Variants in CTSF observed in about 807,000 individuals in gnomAD.
The protein encoded by CTSF is cathepsin F.
A neutral mutation model predicts 63.5 loss-of-function variants in CTSF; 65 were observed. That is an observed-to-expected ratio of 1.02 (90% confidence interval 0.84 to 1.26). CTSF has a LOEUF of 1.26. Ranked by LOEUF, CTSF falls within the 50% of genes most tolerant of loss-of-function variation. The pLI, the probability that CTSF is intolerant of heterozygous loss-of-function variation, is 0.00. For missense variants in CTSF, 641 were observed against 631.0 expected, an observed-to-expected ratio of 1.02 and a Z score of -0.17; for synonymous variants, 256 against 258.1, an observed-to-expected ratio of 0.99 and a Z score of 0.08.
Position 66,564,142 on chromosome 11 carries a change from A to AC in CTSF, c.1325_1326insG (p.Asp443Ter), listed in dbSNP as rs758616720. ...TCTTGATGGCCCAAAAGGGAACGTC[A>AC]GAGCCTGGGGTGCAGTGCAGAGCGC... is the stretch of plus-strand genomic sequence containing the variant. On this transcript the variant is annotated frameshift_variant, in exon 12 of 13. Transcript: ENST00000310325. LOFTEE classifies it high-confidence loss of function. The AC allele has an allele frequency of 3.1e-6, 5 of 1,611,326 alleles. No individual in the cohort carries two copies. The highest frequency in any genetic ancestry group is 4.2e-6 in the Non-Finnish European group (5 of 1,178,888).
At chr11:66,567,953 G>T in intron 2 of CTSF, 31 bp downstream of exon 2, 1 of 1,567,496 alleles carries the variant, frequency 6.4e-7, no homozygotes, top group Non-Finnish European at 8.6e-7. Flanking sequence ...TCGGCCTCGG[G>T]GCGGGGAACC....
In CTSF at chr11:66,568,069, G is replaced by T. The variant is rs766461599; in HGVS notation, c.227C>A (p.Ser76Ter). 4.4e-6 allele frequency: 7 copies of T among 1,590,804 alleles called. No individual in the cohort carries two copies. Among genetic ancestry groups the T allele is most frequent in the Non-Finnish European group, 6.0e-6 (7 of 1,170,850 alleles). Residue 76 changes from serine to a stop codon, truncating the protein, a stop_gained, in exon 2 of 13, where the codon TCG becomes TAG. Transcript: ENST00000310325. LOFTEE classifies it high-confidence loss of function. Reference protein sequence around the residue: ...RGRVRRAGQGSLYSLEATLEE... With the variant: ...RGRVRRAGQG ...CAGGGTGGCCTCCAGGGAGTACAGCGACCCCTGACCCGCCTGGAGAGAGGA... is the reference window on the plus strand; with the variant it reads ...CAGGGTGGCCTCCAGGGAGTACAGCTACCCCTGACCCGCCTGGAGAGAGGA...
intron 11 of CTSF, 150 bp from the exon 12 acceptor site, chr11:66,564,296 T>C: frequency 3.9e-6 from 4 of 1,026,606 alleles, no homozygotes; most frequent in South Asian, 1.6e-5. Flanking sequence ...CCTACCAGCC[T>C]CAGGGAGAAG....
intron 4 of CTSF, 39 bp downstream of exon 4, chr11:66,567,206 GT>G (rs1857950310): frequency 6.2e-7 from 1 of 1,607,824 alleles, no homozygotes; most frequent in African/African-American, 1.3e-5. Context: ...GGAAAGTCCT[GT>G]TCTGATAGGA....
Position 66,568,038 on chromosome 11 carries a change from C to A in CTSF, c.258G>T (p.Glu86Asp). 1 of 1,603,150 alleles carries A rather than the reference C, an allele frequency of 6.2e-7. No homozygotes were observed. The highest frequency in any genetic ancestry group is 8.5e-7 in the Non-Finnish European group (1 of 1,175,878). ...SLYSLEATLEEPPCNDPMVCR... is the reference protein window; with the variant it reads ...SLYSLEATLEDPPCNDPMVCR... ...ACACCATGGGGTCGTTGCAGGGTGG[C>A]TCCTCCAGGGTGGCCTCCAGGGAGT... Residue 86 changes from glutamate (E) to aspartate (D), a missense_variant, in exon 2 of 13, where the codon GAG becomes GAT. Transcript: ENST00000310325.
chr11:66,565,367 A>T (rs1051595493), intron 8 of CTSF, among the ~76,000 whole-genome samples: 2 of 152,158 alleles, frequency 1.3e-5, no homozygotes, highest in Non-Finnish European at 2.9e-5. Context: ...CAGCCCCCCA[A>T]GTAGCTGAGA....
Position 66,564,804 on chromosome 11 carries a change from GCT to G in CTSF, c.1166_1167del (p.Lys389ThrfsTer41). On this transcript the variant is annotated frameshift_variant and splice_region_variant, in exon 10 of 13. Coordinates refer to ENST00000310325, the MANE Select transcript of CTSF (RefSeq NM_003793.4). LOFTEE classifies it high-confidence loss of function. ...CCTCTCTTGGCCAGCCAGGCTGCCA[GCT>G]CTGAGATGGGAAGGGGTGGCATCAG... Reference protein sequence around the residue: ...DSVELSQNEQKLAAWLAKRGP... With the variant: ...DSVELSQNEQXLAAWLAKRGP... The G allele has an allele frequency of 6.2e-7, 1 of 1,614,078 alleles. No individual in the cohort carries two copies. Among genetic ancestry groups the G allele is most frequent in the Non-Finnish European group, 8.5e-7 (1 of 1,180,002 alleles).
chr11:66,563,893 C>A lies in CTSF; in HGVS notation c.*40G>T. On this transcript the variant is annotated 3_prime_UTR_variant, in exon 13 of 13. Coordinates refer to ENST00000310325, the MANE Select transcript of CTSF (RefSeq NM_003793.4). ...ACACATGTCAGGCTGGGGCAGCAGC[C>A]ACTCTGATCAGCACCAGGTCCCGAG... 1 of 1,610,180 alleles carries A rather than the reference C, an allele frequency of 6.2e-7. No individual in the cohort carries two copies. The highest frequency in any genetic ancestry group is 8.5e-7 in the Non-Finnish European group (1 of 1,179,284).
intron 4 of CTSF, among the ~76,000 whole-genome samples, chr11:66,566,810 G>A (rs1009108718): frequency 1.3e-5 from 2 of 151,300 alleles, no homozygotes; most frequent in Non-Finnish European, 2.9e-5. Context: ...TGCAACCTCC[G>A]CCTCCCAGGT....
At position 66,567,490 on chromosome 11, in the gene CTSF, G is replaced by C. The variant is rs755417013; in HGVS notation, c.485C>G (p.Thr162Ser). The change falls in exon 3 of 13, where the codon ACT (threonine) becomes AGT (serine). Residue 162 changes from threonine (T) to serine (S), a missense_variant. By Grantham distance (58) the Thr-to-Ser change is moderately conservative (BLOSUM62 1). Transcript: ENST00000310325. ...SQNHPDNRNE[T>S]FSSVISLLNE... ...CAACAGGGAAATGACTGAGCTGAAA[G>C]TCTCGTTTCTGTTGTCTGGATGGTT... The C allele has an allele frequency of 1.9e-6, 3 of 1,614,208 alleles. No individual in the cohort carries two copies. In the South Asian group the frequency reaches 3.3e-5, roughly 18 times the overall value.
Position 66,567,633 on chromosome 11 carries a change from G to T in CTSF, c.342C>A (p.Leu114=), listed in dbSNP as rs1448143058. 4 of 1,613,986 alleles carry T rather than the reference G, an allele frequency of 2.5e-6. No individual in the cohort carries two copies. Among genetic ancestry groups the T allele is most frequent in the African/African-American group, 1.3e-5 (1 of 74,920 alleles). The part of the protein sequence containing the change: ...LLCSFQVLDE[L]GRHVLLRKDC... The stretch of plus-strand genomic sequence containing the variant: ...CCTTCCGCAGCAGCACGTGTCTTCC[G>T]AGCTCATCCAGGACTTGGAAGCTGC... The change falls in exon 3 of 13, where the codon CTC becomes CTA. Residue 114 remains leucine, a synonymous_variant. Transcript: ENST00000310325.
intron 8 of CTSF, among the ~76,000 whole-genome samples, 155 bp from the exon 9 acceptor site, chr11:66,565,161 C>G (rs558564113): frequency 3.9e-5 from 6 of 152,304 alleles, no homozygotes; most frequent in African/African-American, 1.4e-4. Flanking sequence ...CTAGAAATGA[C>G]ACATCTGAGG....
chr11:66,563,536 C>T lies in CTSF; in HGVS notation c.*397G>A. 4.5e-6 allele frequency: 2 copies of T among 442,962 alleles called. No individual in the cohort carries two copies. Among genetic ancestry groups the T allele is most frequent in the Non-Finnish European group, 8.1e-6 (2 of 247,678 alleles). 27.4% of individuals were successfully genotyped at this position (442,962 alleles called of 1,614,324 possible). The stretch of plus-strand genomic sequence containing the variant: ...AGTTTCCTGGACATGGAGAGGGACA[C>T]TATCCCTAAATCCAAGGGAACCAGA... On this transcript the variant is annotated 3_prime_UTR_variant, in exon 13 of 13. Coordinates refer to ENST00000310325, the MANE Select transcript of CTSF (RefSeq NM_003793.4).
chr11:66,566,259 G>C, intron 5 of CTSF, 32 bp downstream of exon 5: 2 of 1,613,896 alleles, frequency 1.2e-6, no homozygotes, highest in Middle Eastern at 3.3e-4. Flanking sequence ...GTCTCTTCCT[G>C]GATCCATGAG....
At position 66,567,316 on chromosome 11, in the gene CTSF, C is replaced by A; in HGVS notation, c.537G>T (p.Leu179Phe). ...TGAAGATTGAAGCCATCTTCACAGG[C>A]AAGTCCTGGATAGGCAGACCAGTCT... The part of the protein sequence containing the change: ...LLNEDPLSQD[L>F]PVKMASIFKN... The change falls in exon 4 of 13, where the codon TTG becomes TTT. Residue 179 changes from leucine to phenylalanine, a missense_variant. Transcript: ENST00000310325. The A allele has an allele frequency of 5.0e-6, 8 of 1,614,176 alleles. No individual in the cohort carries two copies. Among genetic ancestry groups the A allele is most frequent in the Non-Finnish European group, 6.8e-6 (8 of 1,180,030 alleles).
rs928556757 is a variant in CTSF at position 66,568,599 on chromosome 11, C to T, written c.-113G>A. On this transcript the variant is annotated 5_prime_UTR_variant, in exon 1 of 13. Transcript: ENST00000310325. ...TCCCTCCAGCGGGGCGACGGCACGC[C>T]GACCAATGGGCGCTGGTTTGCGGCG... 3.9e-5 allele frequency: 49 copies of T among 1,264,960 alleles called. No homozygotes were observed. The highest frequency in any genetic ancestry group is 5.1e-5 in the Non-Finnish European group (49 of 966,540). 78.4% of individuals were successfully genotyped at this position (1,264,960 alleles called of 1,614,324 possible).
At position 66,566,366 on chromosome 11, in the gene CTSF, CCAT is replaced by C. The variant is rs1474869020; in HGVS notation, c.643_645del (p.Met215del). On this transcript the variant is annotated inframe_deletion, in exon 5 of 13. Transcript: ENST00000310325. ...AGGGCCTGGATCTTCTGTGCTCGCACCATGTTATTGACAAAGACGGACAGGCGC... is the reference window on the plus strand; with the variant it reads ...AGGGCCTGGATCTTCTGTGCTCGCACGTTATTGACAAAGACGGACAGGCGC... 1 of 1,614,050 alleles carries C rather than the reference CCAT, an allele frequency of 6.2e-7. No individual in the cohort carries two copies. Among genetic ancestry groups the C allele is most frequent in the African/African-American group, 1.3e-5 (1 of 74,912 alleles).
intron 11 of CTSF, 177 bp from the exon 12 acceptor site, chr11:66,564,323 A>T: frequency 2.3e-6 from 2 of 857,006 alleles, no homozygotes; most frequent in Non-Finnish European, 3.5e-6. Context: ...GGCAGGGAGG[A>T]AGCACGCACC....
Position 66,564,565 on chromosome 11 carries a change from G to A in CTSF, c.1314C>T (p.Tyr438=), listed in dbSNP as rs149687246. ...LIDHAVLLVG[Y]GNRSDVPFWA... is the part of the protein sequence containing the mutation. Reference sequence around the variant, plus strand: ...ACAGGCAGCGGAACTCACGGTTGCCGTAGCCCACAAGCAACACCGCATGGT... The same window carrying A: ...ACAGGCAGCGGAACTCACGGTTGCCATAGCCCACAAGCAACACCGCATGGT... Residue 438 remains tyrosine (Y), a synonymous_variant, in exon 11 of 13, where the codon TAC becomes TAT. Coordinates refer to ENST00000310325, the MANE Select transcript of CTSF (RefSeq NM_003793.4). 6.0e-5 allele frequency: 93 copies of A among 1,561,414 alleles called. No homozygotes were observed. In the African/African-American group the frequency reaches 9.2e-4, roughly 15 times the overall value.
Sources: allele counts gnomAD v4.1 joint callset (sites outside exome capture counted in the v4.1 genomes callset), GRCh38; gene constraint gnomAD v4.1.1; transcripts MANE v1.5; gene names NCBI Gene and HGNC (gene_info 2026-07-23, HGNC 2026-07-21).